Variants in CNTNAP4 observed in about 807,000 individuals in gnomAD.
CNTNAP4 encodes the protein contactin-associated protein-like 4.
In CNTNAP4, 98 loss-of-function variants were observed where a neutral mutation model predicts 148.4. The observed-to-expected ratio is 0.66, with a 90% CI of 0.56 to 0.78. CNTNAP4 has a LOEUF of 0.78. Ranked by LOEUF, CNTNAP4 falls within the 30% of genes least tolerant of loss-of-function variation. CNTNAP4 has a pLI of 0.00. For synonymous variants in CNTNAP4, 730 were observed against 565.1 expected (o/e 1.29, Z -4.14); for missense variants, 1,935 against 1,565.6 (o/e 1.24, Z -3.98).
At chr16:76,320,270 C>T (rs55954470) in intron 2 of CNTNAP4, among the ~76,000 whole-genome samples, 5,999 of 152,172 alleles carry the variant, frequency 0.039, 414 homozygotes, top group African/African-American at 0.14. Flanking sequence ...AGATAATTAC[C>T]TGAGGAGCTT....
chr16:76,448,855 C>A lies in CNTNAP4; in HGVS notation c.831C>A (p.Ile277=). ...LDDQHWHSVL[I]QRLGKQVNFT... is the part of the protein sequence containing the mutation. Reference sequence around the variant, plus strand: ...ATCAGCATTGGCATTCAGTGCTCATCCAGCGTTTGGGCAAACAAGTCAACT... The same window carrying A: ...ATCAGCATTGGCATTCAGTGCTCATACAGCGTTTGGGCAAACAAGTCAACT... Residue 277 remains isoleucine, a synonymous_variant, in exon 6 of 24, where the codon ATC becomes ATA. Transcript: ENST00000611870. The A allele has an allele frequency of 6.2e-7, 1 of 1,613,518 alleles. No homozygotes were observed. Among genetic ancestry groups the A allele is most frequent in the Non-Finnish European group, 8.5e-7 (1 of 1,179,710 alleles).
At chr16:76,514,568 T>A (rs1158970665) in intron 15 of CNTNAP4, among the ~76,000 whole-genome samples, 1 of 152,178 alleles carries the variant, frequency 6.6e-6, no homozygotes, top group Non-Finnish European at 1.5e-5. Context: ...TCTTACTGTA[T>A]GTGCATGTGT....
chr16:76,388,145 T>C (rs1335446623), intron 3 of CNTNAP4, among the ~76,000 whole-genome samples: 1 of 152,188 alleles, frequency 6.6e-6, no homozygotes, highest in Admixed American at 6.5e-5. Flanking sequence ...GTTCCTACTT[T>C]GTGGATTTAG....
chr16:76,533,595 AATT>A (rs1057411503), intron 17 of CNTNAP4, among the ~76,000 whole-genome samples: 1 of 152,170 alleles, frequency 6.6e-6, no homozygotes, highest in African/African-American at 2.4e-5. Context: ...AAATATGAAC[AATT>A]ATTATGTGTC....
intron 3 of CNTNAP4, among the ~76,000 whole-genome samples, chr16:76,375,404 A>G (rs1420109903): frequency 6.6e-6 from 1 of 152,194 alleles, no homozygotes; most frequent in Non-Finnish European, 1.5e-5. Context: ...CCTAGGTGAC[A>G]GAGCAAGGCT....
chr16:76,526,368 G>A (rs528350473), intron 17 of CNTNAP4, among the ~76,000 whole-genome samples: 4 of 152,242 alleles, frequency 2.6e-5, no homozygotes, highest in African/African-American at 9.6e-5. Flanking sequence ...GGGCCATGGC[G>A]AGGACTATGG....
At chr16:76,304,868 T>C (rs1960321072) in intron 1 of CNTNAP4, among the ~76,000 whole-genome samples, 1 of 152,198 alleles carries the variant, frequency 6.6e-6, no homozygotes, top group African/African-American at 2.4e-5. Context: ...TCATTCAGTT[T>C]GTAACCTTTA....
At chr16:76,548,701 C>G (rs2084842372) in intron 21 of CNTNAP4, among the ~76,000 whole-genome samples, 2 of 152,100 alleles carry the variant, frequency 1.3e-5, no homozygotes, top group Admixed American at 1.3e-4. Flanking sequence ...ATTATTATCA[C>G]AAGAAACACC....
Position 76,452,816 on chromosome 16 carries a change from T to C in CNTNAP4, c.1333+47T>C, listed in dbSNP as rs903819729. 3.4e-6 allele frequency: 5 copies of C among 1,465,534 alleles called. No individual in the cohort carries two copies. In the Admixed American group the frequency reaches 1.1e-4, roughly 33 times the overall value. 90.8% of individuals were successfully genotyped at this position (1,465,534 alleles called of 1,614,324 possible). A position where few individuals can be genotyped will look rare whatever the true frequency, so the allele number is the denominator to read the frequency against. ...GCAAAGCATATGGATTTGAAAGATT[T>C]CATTATCTCTGTGGCCAAATTTTAT... On this transcript the variant is annotated intron_variant, in intron 8 of 23. Coordinates refer to ENST00000611870, the MANE Select transcript of CNTNAP4 (RefSeq NM_033401.5).
chr16:76,373,307 C>G (rs2015059702), intron 3 of CNTNAP4, among the ~76,000 whole-genome samples: 1 of 151,252 alleles, frequency 6.6e-6, no homozygotes, highest in Non-Finnish European at 1.5e-5. Context: ...ATATATTCCA[C>G]ATAAATATGT....
At chr16:76,460,753 C>CAAAAAAAAAA (rs1158805627) in intron 8 of CNTNAP4, among the ~76,000 whole-genome samples, 6 of 15,514 alleles carry the variant, frequency 3.9e-4, no homozygotes, top group African/African-American at 4.2e-4. Context: ...ACTCATGTCT[C>CAAAAAAAAAA]AAAAAAAAAA....
intron 11 of CNTNAP4, among the ~76,000 whole-genome samples, chr16:76,477,196 T>G (rs2081616286): frequency 6.6e-6 from 1 of 152,148 alleles, no homozygotes; most frequent in African/African-American, 2.4e-5. Context: ...TATCCCTTTT[T>G]CCTGTATTAC....
intron 1 of CNTNAP4, among the ~76,000 whole-genome samples, chr16:76,287,091 G>C (rs1441101007): frequency 3.9e-5 from 6 of 152,034 alleles, no homozygotes; most frequent in Non-Finnish European, 5.9e-5. Flanking sequence ...TACCTCTTAA[G>C]TATCAAAAGA....
At chr16:76,554,721 T>C (rs368862321) in intron 23 of CNTNAP4, among the ~76,000 whole-genome samples, 18 of 152,098 alleles carry the variant, frequency 1.2e-4, no homozygotes, top group East Asian at 3.9e-4. Flanking sequence ...GCCAGGGAGA[T>C]ACAATTTTAA....
At chr16:76,386,270 C>T (rs2016507022) in intron 3 of CNTNAP4, among the ~76,000 whole-genome samples, 1 of 152,144 alleles carries the variant, frequency 6.6e-6, no homozygotes. Flanking sequence ...CTATTATATT[C>T]TTGCCACGTC....
intron 3 of CNTNAP4, among the ~76,000 whole-genome samples, chr16:76,372,783 A>G (rs543550867): frequency 6.6e-6 from 1 of 152,106 alleles, no homozygotes; most frequent in South Asian, 2.1e-4. Flanking sequence ...GGACTAATAC[A>G]TTGGCCTGGT....
chr16:76,304,685 A>G (rs1241554043), intron 1 of CNTNAP4, among the ~76,000 whole-genome samples: 2 of 152,156 alleles, frequency 1.3e-5, no homozygotes, highest in Admixed American at 6.5e-5. Flanking sequence ...CACTAAAGCA[A>G]TATATGTGTG....
chr16:76,413,545 A>G (rs2078873264), intron 3 of CNTNAP4, among the ~76,000 whole-genome samples: 1 of 136,170 alleles, frequency 7.3e-6, no homozygotes, highest in African/African-American at 2.6e-5. Flanking sequence ...CTATAACATT[A>G]TAAGACTTAA....
At chr16:76,367,929 T>C (rs750239410) in intron 3 of CNTNAP4, among the ~76,000 whole-genome samples, 52 of 152,180 alleles carry the variant, frequency 3.4e-4, no homozygotes, top group Admixed American at 6.5e-4. Context: ...ATTTCCAGGT[T>C]ATGTCTGTGA....
Sources: gnomAD v4.1 joint callset for allele counts (sites outside exome capture counted in the v4.1 genomes callset) on GRCh38, gnomAD v4.1.1 for gene constraint, MANE v1.5 for transcripts, NCBI Gene and HGNC (gene_info 2026-07-23, HGNC 2026-07-21) for gene names.